Variants in TSPAN32 observed in about 807,000 individuals in gnomAD.
TSPAN32 encodes the protein tetraspanin 32.
In TSPAN32, 47 loss-of-function variants were observed where a neutral mutation model predicts 42.7. The ratio of observed to expected loss-of-function variants is 1.10; its 90% confidence interval spans 0.87 to 1.40. The LOEUF is 1.40. Ranked by LOEUF, TSPAN32 falls within the 40% of genes most tolerant of loss-of-function variation. The pLI, the probability that TSPAN32 is intolerant of heterozygous loss-of-function variation, is 0.00. For synonymous variants in TSPAN32, 175 were observed against 175.9 expected, an observed-to-expected ratio of 0.99 and a Z score of 0.04; for missense variants, 469 against 424.1, an observed-to-expected ratio of 1.11 and a Z score of -0.93.
Position 2,304,567 on chromosome 11 carries a change from CT to C in TSPAN32, c.279+364del, listed in dbSNP as rs56344618. Among the ~76,000 whole-genome samples the C allele has an allele frequency of 0.85, 128,259 of 151,494 alleles. 55,386 individuals are homozygous for C. The highest frequency in any genetic ancestry group is 0.95 in the African/African-American group (39,046 of 41,272). On this transcript the variant is annotated intron_variant, in intron 3 of 9. Transcript: ENST00000182290. This position sits in a 1 kb window ranked among gnomAD's most constrained non-coding sequence, Gnocchi z 4.8. ...CCAAAGTCCCTGGGAGGGTCTGGTT[CT>C]ATTGCCCAGCAAGCTCTGGGAGGGC...
In TSPAN32 at chr11:2,308,807, C is replaced by A. The variant is rs1359117515; in HGVS notation, c.351C>A (p.Thr117=). The A allele has an allele frequency of 6.4e-7, 1 of 1,564,822 alleles. No homozygotes were observed. The highest frequency in any genetic ancestry group is 2.4e-5 in the East Asian group (1 of 41,988). Residue 117 remains threonine (T), a synonymous_variant, in exon 4 of 10, where the codon ACC becomes ACA. Coordinates refer to ENST00000182290, the MANE Select transcript of TSPAN32 (RefSeq NM_139022.3). The part of the protein sequence containing the change: ...QVVFWRLHSP[T]QVEDAMLDTY... ...TGTTCTGGAGACTCCACAGCCCCACCCAGGTGAGCACCAGCTGCCCCTACC... is the reference window on the plus strand; with the variant it reads ...TGTTCTGGAGACTCCACAGCCCCACACAGGTGAGCACCAGCTGCCCCTACC...
chr11:2,315,605 C>A lies in TSPAN32; in HGVS notation c.544-624C>A, dbSNP rs116370618. On this transcript the variant is annotated intron_variant, in intron 6 of 9. Coordinates refer to ENST00000182290, the MANE Select transcript of TSPAN32 (RefSeq NM_139022.3). ...CTGGCATGGGCGGGAGGGAGGCAGA[C>A]CTGCCTGCGGGGGACAGGAGGGTGA... is the stretch of plus-strand genomic sequence containing the variant. 2,268 of 1,180,762 alleles carry A rather than the reference C, an allele frequency of 1.9e-3. 29 individuals carry two copies. The African/African-American group carries it at 0.028, about 15-fold the overall frequency. 73.1% of individuals were successfully genotyped at this position (1,180,762 alleles called of 1,614,324 possible). A position where few individuals can be genotyped will look rare whatever the true frequency, so the allele number is the denominator to read the frequency against.
chr11:2,305,828 G>C (rs1848047853), intron 3 of TSPAN32, among the ~76,000 whole-genome samples: 1 of 152,364 alleles, frequency 6.6e-6, no homozygotes, highest in South Asian at 2.1e-4. Flanking sequence ...CTCCAGCACA[G>C]CTCCCAAGCC....
chr11:2,314,779 G>A (rs1401411013), intron 6 of TSPAN32: 11 of 585,312 alleles, frequency 1.9e-5, no homozygotes, highest in Non-Finnish European at 3.4e-5. Flanking sequence ...TGGGTGGCCA[G>A]GCTGGGCTCA....
intron 6 of TSPAN32, chr11:2,315,551 G>A (rs879464577): frequency 7.4e-5 from 87 of 1,168,994 alleles, no homozygotes; most frequent in Non-Finnish European, 9.1e-5. Context: ...AGCCAGCACA[G>A]GCGGCAGGCA....
rs933924786 is a variant in TSPAN32, at chr11:2,302,300, C to T, written c.66+85C>T. Reference sequence around the variant, plus strand: ...GCAGGGCCTCAGCACAGGGATTATCCCTCCCCTGACACACACACCAGCCCT... The same window carrying T: ...GCAGGGCCTCAGCACAGGGATTATCTCTCCCCTGACACACACACCAGCCCT... On this transcript the variant is annotated intron_variant, in intron 1 of 9. Coordinates refer to ENST00000182290, the MANE Select transcript of TSPAN32 (RefSeq NM_139022.3). 4.8e-6 allele frequency: 6 copies of T among 1,262,746 alleles called. No homozygotes were observed. In the African/African-American group the frequency reaches 9.2e-5, roughly 19 times the overall value. The allele number at this position is 1,262,746 out of a possible 1,614,324, so 78.2% of individuals were successfully genotyped here.
At chr11:2,315,883 C>T in intron 6 of TSPAN32, 2 of 1,432,864 alleles carry the variant, frequency 1.4e-6, no homozygotes, top group African/African-American at 1.4e-5. Flanking sequence ...TGTGCCCGGC[C>T]CTGGGCTGGA....
Position 2,304,146 on chromosome 11 carries a change from T to C in TSPAN32, c.221T>C (p.Leu74Pro). The C allele has an allele frequency of 6.3e-7, 1 of 1,589,594 alleles. No homozygotes were observed. Among genetic ancestry groups the C allele is most frequent in the Non-Finnish European group, 8.6e-7 (1 of 1,168,268 alleles). Residue 74 changes from leucine to proline, a missense_variant, in exon 3 of 10, where the codon CTG becomes CCG. Transcript: ENST00000182290. The surrounding 1 kb of genome is among the most constrained non-coding windows in gnomAD (Gnocchi z 4.8). Reference sequence around the variant, plus strand: ...TTGAGCCTGGTGGGCCTCCTGACTCTGGGAGCCGTGCTGAGCGCTGCAGCC... The same window carrying C: ...TTGAGCCTGGTGGGCCTCCTGACTCCGGGAGCCGTGCTGAGCGCTGCAGCC... ...AGLSLVGLLT[L>P]GAVLSAAATV...
chr11:2,303,192 C>T (rs1205279431), intron 2 of TSPAN32: 4 of 551,828 alleles, frequency 7.2e-6, no homozygotes, highest in African/African-American at 5.7e-5. Context: ...GGAGCGTGGG[C>T]ACAGTGTGGG....
chr11:2,307,202 C>G (rs928921660), intron 3 of TSPAN32, among the ~76,000 whole-genome samples: 7 of 152,170 alleles, frequency 4.6e-5, no homozygotes, highest in Admixed American at 3.3e-4. Context: ...TGGGGGCCAG[C>G]AGGGCTCCCC....
chr11:2,308,320 G>A (rs1225986091), intron 3 of TSPAN32, among the ~76,000 whole-genome samples: 1 of 152,034 alleles, frequency 6.6e-6, no homozygotes, highest in Non-Finnish European at 1.5e-5. Flanking sequence ...GCATCCTGCT[G>A]GGGGCGCAGC....
In TSPAN32 at chr11:2,304,209, G is replaced by A; in HGVS notation, c.279+5G>A. 1.3e-6 allele frequency: 2 copies of A among 1,546,764 alleles called. No homozygotes were observed. Among genetic ancestry groups the A allele is most frequent in the Non-Finnish European group, 1.7e-6 (2 of 1,146,628 alleles). ...GCCCAGGGCCTCATGGCAGGGGTGA[G>A]TTCATTGTGTTCCCAGATGCCCAGG... On this transcript the variant is annotated splice_donor_5th_base_variant and intron_variant, in intron 3 of 9. Coordinates refer to ENST00000182290, the MANE Select transcript of TSPAN32 (RefSeq NM_139022.3). This position sits in a 1 kb window ranked among gnomAD's most constrained non-coding sequence, Gnocchi z 4.8.
chr11:2,316,861 C>T (rs2234313), intron 8 of TSPAN32, among the ~76,000 whole-genome samples, 194 bp downstream of exon 8: 1,606 of 152,180 alleles, frequency 0.011, 31 homozygotes, highest in African/African-American at 0.035. Context: ...CCCAATGCAC[C>T]GCACCCCATG....
At chr11:2,315,662 C>T (rs1204907766) in intron 6 of TSPAN32, 16 of 1,189,736 alleles carry the variant, frequency 1.3e-5, no homozygotes, top group Admixed American at 7.1e-5. Flanking sequence ...CTCCACAGGC[C>T]GCCCCAGTTG....
At chr11:2,311,049 G>A (rs543286401) in intron 4 of TSPAN32, among the ~76,000 whole-genome samples, 3 of 152,236 alleles carry the variant, frequency 2.0e-5, no homozygotes, top group African/African-American at 7.2e-5. Flanking sequence ...TGAGAGCCGG[G>A]GGCCCAGAGC....
At position 2,304,991 on chromosome 11, in the gene TSPAN32, G is replaced by C. The variant is rs1032281141; in HGVS notation, c.279+787G>C. 2.6e-5 allele frequency among the ~76,000 whole-genome samples: 4 copies of C among 152,234 alleles called. No individual in the cohort carries two copies. Among genetic ancestry groups the C allele is most frequent in the Non-Finnish European group, 5.9e-5 (4 of 68,048 alleles). Reference sequence around the variant, plus strand: ...CGTCTCCCCTTTCCAGCCATGAGGAGCTTGTGCTGGGGGCTTTGCTTCCCT... The same window carrying C: ...CGTCTCCCCTTTCCAGCCATGAGGACCTTGTGCTGGGGGCTTTGCTTCCCT... On this transcript the variant is annotated intron_variant, in intron 3 of 9. Transcript: ENST00000182290. This position sits in a 1 kb window ranked among gnomAD's most constrained non-coding sequence, Gnocchi z 4.8.
chr11:2,312,810 T>C (rs1848541718), intron 4 of TSPAN32, among the ~76,000 whole-genome samples: 1 of 152,006 alleles, frequency 6.6e-6, no homozygotes, highest in South Asian at 2.1e-4. Context: ...AGCATGGCAT[T>C]TGGGGGAGAA....
intron 3 of TSPAN32, among the ~76,000 whole-genome samples, chr11:2,305,512 G>A (rs75551620): frequency 0.025 from 3,841 of 152,352 alleles, 169 homozygotes; most frequent in African/African-American, 0.088. Flanking sequence ...CCGTCCACCA[G>A]GGGGTGCCAT....
rs914999968 is a variant in TSPAN32, at chr11:2,317,280, C to G, written c.720-64C>G. 1 of 1,343,952 alleles carries G rather than the reference C, an allele frequency of 7.4e-7. No individual in the cohort carries two copies. The highest frequency in any genetic ancestry group is 1.0e-6 in the Non-Finnish European group (1 of 966,912). The allele number at this position is 1,343,952 out of a possible 1,614,324, so 83.3% of individuals were successfully genotyped here. A position where few individuals can be genotyped will look rare whatever the true frequency, so the allele number is the denominator to read the frequency against. On this transcript the variant is annotated intron_variant, in intron 8 of 9. Transcript: ENST00000182290. This position sits in a 1 kb window ranked among gnomAD's most constrained non-coding sequence, Gnocchi z 6.2. ...CCATGATCCCCTCTAGAACATTCCA[C>G]AATAGCCTCACAGGTCCCCTGTAGA... is the stretch of plus-strand genomic sequence containing the variant.
Sources: allele counts gnomAD v4.1 joint callset (sites outside exome capture counted in the v4.1 genomes callset), GRCh38; gene constraint gnomAD v4.1.1; non-coding constraint Gnocchi (gnomAD v3.1); transcripts MANE v1.5; gene names NCBI Gene and HGNC (gene_info 2026-07-23, HGNC 2026-07-21).